The following ADGRL2 variants were observed in gnomAD, a reference collection of about 807,000 sequenced individuals.
The protein encoded by ADGRL2 is adhesion G protein-coupled receptor L2.
ADGRL2 carries 44 observed loss-of-function variants against 157.4 expected under a neutral mutation model. The observed-to-expected ratio is 0.28, with a 90% CI of 0.22 to 0.36. ADGRL2 has a LOEUF of 0.36. ADGRL2 is among the 10% of genes least tolerant of loss of function. The pLI is 1.00. For missense variants in ADGRL2, 1,510 were observed against 1,768.9 expected (o/e 0.85, Z 2.63); for synonymous variants, 585 against 624.7 (o/e 0.94, Z 0.95).
intron 2 of ADGRL2, among the ~76,000 whole-genome samples, chr1:81,545,972 C>A (rs937771390): frequency 6.6e-6 from 1 of 152,172 alleles, no homozygotes; most frequent in African/African-American, 2.4e-5. Flanking sequence ...CTGCTGTCGG[C>A]AGGCCTGGAT....
At chr1:81,893,127 A>C (rs1329380755) in intron 2 of ADGRL2, among the ~76,000 whole-genome samples, 1 of 152,088 alleles carries the variant, frequency 6.6e-6, no homozygotes, top group Non-Finnish European at 1.5e-5. Context: ...AGGCATGGAG[A>C]TAGGCACAGT....
At chr1:81,960,376 G>A (rs1200676341) in intron 11 of ADGRL2, among the ~76,000 whole-genome samples, 2 of 151,798 alleles carry the variant, frequency 1.3e-5, no homozygotes, top group Non-Finnish European at 2.9e-5. Flanking sequence ...ATAATCTTTG[G>A]TTTTATTTCC....
chr1:81,549,093 A>G (rs2080085314), intron 2 of ADGRL2, among the ~76,000 whole-genome samples: 1 of 152,158 alleles, frequency 6.6e-6, no homozygotes, highest in South Asian at 2.1e-4. Context: ...ACTAAATTTT[A>G]CTTTTGACCT....
chr1:81,476,872 A>T (rs1055958265), intron 2 of ADGRL2, among the ~76,000 whole-genome samples: 5 of 152,208 alleles, frequency 3.3e-5, no homozygotes, highest in Admixed American at 3.3e-4. Flanking sequence ...TGCTTATCTT[A>T]GAAATTTTAT....
chr1:81,507,079 A>G (rs528641658), intron 2 of ADGRL2, among the ~76,000 whole-genome samples: 8 of 152,094 alleles, frequency 5.3e-5, no homozygotes, highest in African/African-American at 1.9e-4. Context: ...GAAAGAGTGC[A>G]ATGGAGGAAT....
chr1:81,788,670 C>T lies in ADGRL2; in HGVS notation c.-101+26818C>T, dbSNP rs193197042. Among the ~76,000 whole-genome samples, 128 of 152,210 alleles carry T rather than the reference C, an allele frequency of 8.4e-4. 1 individual carries two copies. The highest frequency in any genetic ancestry group is 3.4e-3 in the Middle Eastern group (1 of 292). ...CTGGATGTTGCTATGAGCTAATATA[C>T]ACCAAATGCTGCCAGATCTTTCCAT... On this transcript the variant is annotated intron_variant, in intron 2 of 20. Coordinates refer to the ADGRL2 transcript ENST00000359929.
At chr1:81,830,791 G>A (rs1056555493) in intron 1 of ADGRL2, among the ~76,000 whole-genome samples, 7 of 152,210 alleles carry the variant, frequency 4.6e-5, no homozygotes, top group Admixed American at 3.9e-4. Context: ...ACAGGCGTGA[G>A]CCACCGCGCC....
At chr1:81,356,758 C>T (rs894734941) in intron 1 of ADGRL2, among the ~76,000 whole-genome samples, 1 of 151,842 alleles carries the variant, frequency 6.6e-6, no homozygotes, top group African/African-American at 2.4e-5. Context: ...TCGACACCAT[C>T]CTGGCTAACA....
chr1:81,613,534 C>T (rs76984121), intron 3 of ADGRL2, among the ~76,000 whole-genome samples: 1,834 of 152,248 alleles, frequency 0.012, 33 homozygotes, highest in African/African-American at 0.042. Flanking sequence ...ATAATTCAGC[C>T]TGCAAGCAAT....
chr1:81,351,571 C>T (rs11163258), intron 1 of ADGRL2, among the ~76,000 whole-genome samples: 114,516 of 151,732 alleles, frequency 0.75, 43,940 homozygotes, highest in African/African-American at 0.84. Flanking sequence ...CTGGCAAATG[C>T]ACAAAGAAAA....
chr1:81,569,489 G>C (rs955686272), intron 2 of ADGRL2, among the ~76,000 whole-genome samples: 2 of 152,178 alleles, frequency 1.3e-5, no homozygotes, highest in African/African-American at 4.8e-5. Flanking sequence ...CTGGCTCAAG[G>C]TCTCTTAGGA....
intron 4 of ADGRL2, among the ~76,000 whole-genome samples, chr1:81,939,643 G>A (rs1042725871): frequency 3.3e-5 from 5 of 151,394 alleles, no homozygotes; most frequent in Admixed American, 6.6e-5. Context: ...ACTGATGTTC[G>A]TGGGTCATAT....
At chr1:81,924,865 A>G (rs1309074745) in intron 3 of ADGRL2, among the ~76,000 whole-genome samples, 1 of 152,136 alleles carries the variant, frequency 6.6e-6, no homozygotes, top group Non-Finnish European at 1.5e-5. Context: ...TTGTGTTGCC[A>G]GAATCTGATA....
At chr1:81,498,736 TA>T (rs2147998742) in intron 2 of ADGRL2, among the ~76,000 whole-genome samples, 1 of 152,136 alleles carries the variant, frequency 6.6e-6, no homozygotes, top group African/African-American at 2.4e-5. Context: ...AATTCCAGTT[TA>T]AAAAGAAAAA....
intron 1 of ADGRL2, among the ~76,000 whole-genome samples, chr1:81,350,294 G>A (rs1417554988): frequency 1.3e-5 from 2 of 152,158 alleles, no homozygotes; most frequent in African/African-American, 4.8e-5. Context: ...ACCTGAGAAT[G>A]TTCAGACAAT....
chr1:81,853,686 T>G (rs181718843), intron 2 of ADGRL2, among the ~76,000 whole-genome samples: 1 of 152,260 alleles, frequency 6.6e-6, no homozygotes, highest in African/African-American at 2.4e-5. Flanking sequence ...TTAAAGATGA[T>G]TTTTTTGTTT....
intron 2 of ADGRL2, among the ~76,000 whole-genome samples, chr1:81,457,166 T>C (rs2077824426): frequency 6.6e-6 from 1 of 152,204 alleles, no homozygotes; most frequent in Non-Finnish European, 1.5e-5. Context: ...GTTTTCCAAG[T>C]GCTGACAAAT....
chr1:81,423,140 A>G (rs1325480345), intron 1 of ADGRL2, among the ~76,000 whole-genome samples: 1 of 152,238 alleles, frequency 6.6e-6, no homozygotes, highest in African/African-American at 2.4e-5. Flanking sequence ...ATGTTTTAGA[A>G]GAAATATAAA....
In ADGRL2 at chr1:81,991,179, G is replaced by C. The variant is rs1176940908; in HGVS notation, c.*34G>C. On this transcript the variant is annotated 3_prime_UTR_variant, in exon 24 of 24. Coordinates refer to ENST00000686636, the MANE Select transcript of ADGRL2 (RefSeq NM_001366006.2). ...CTAAGGAATTCCAAGGGCCACATGC[G>C]AGTATTAATAAATAAAGACACCATT... 4 of 1,552,642 alleles carry C rather than the reference G, an allele frequency of 2.6e-6. No individual in the cohort carries two copies. In the African/African-American group the frequency reaches 4.1e-5, roughly 16 times the overall value.
Sources: gnomAD v4.1 joint callset for allele counts (sites outside exome capture counted in the v4.1 genomes callset) on GRCh38, gnomAD v4.1.1 for gene constraint, MANE v1.5 for transcripts, NCBI Gene and HGNC (gene_info 2026-07-23, HGNC 2026-07-21) for gene names.